MEIS2: variants seen among roughly 807,000 people sequenced by gnomAD.
MEIS2 encodes homeobox protein Meis2.
In MEIS2, 9 loss-of-function variants were observed where a neutral mutation model predicts 58.6. The observed-to-expected ratio is 0.15, with a 90% CI of 0.09 to 0.27. The LOEUF is 0.27. MEIS2 is among the 10% of genes least tolerant of loss of function. The pLI, the probability that MEIS2 is intolerant of heterozygous loss-of-function variation, is 1.00. For missense variants in MEIS2, 427 were observed against 635.0 expected (o/e 0.67, Z 3.52); for synonymous variants, 221 against 228.4 (o/e 0.97, Z 0.29).
At chr15:37,080,231 A>T (rs776444066) in intron 7 of MEIS2, among the ~76,000 whole-genome samples, 8 of 152,082 alleles carry the variant, frequency 5.3e-5, no homozygotes, top group Non-Finnish European at 1.2e-4. Context: ...AACCCATACC[A>T]TTGTTCAAAC....
At chr15:37,084,123 C>T (rs1478757665) in intron 6 of MEIS2, among the ~76,000 whole-genome samples, 1 of 152,064 alleles carries the variant, frequency 6.6e-6, no homozygotes, top group Non-Finnish European at 1.5e-5. Context: ...TTGGTTAAAA[C>T]TAATTTAAGT....
intron 11 of MEIS2, 67 bp from the exon 12 acceptor site, chr15:36,892,526 A>T: frequency 1.7e-6 from 2 of 1,171,070 alleles, no homozygotes; most frequent in Non-Finnish European, 2.4e-6. Context: ...TACCCATCAA[A>T]GATGAAAAGA....
At chr15:37,082,865 G>A (rs1892414644) in intron 7 of MEIS2, among the ~76,000 whole-genome samples, 1 of 151,916 alleles carries the variant, frequency 6.6e-6, no homozygotes, top group African/African-American at 2.4e-5. Flanking sequence ...TATAACTACA[G>A]CTCGAGCTGT....
At chr15:37,012,277 A>T (rs2061189873) in intron 8 of MEIS2, among the ~76,000 whole-genome samples, 1 of 152,258 alleles carries the variant, frequency 6.6e-6, no homozygotes, top group Admixed American at 6.5e-5. Context: ...GGACCAAAGC[A>T]GGTGAAATTT....
chr15:37,085,963 A>C (rs564051815), intron 6 of MEIS2, among the ~76,000 whole-genome samples: 1 of 152,318 alleles, frequency 6.6e-6, no homozygotes, highest in East Asian at 1.9e-4. Context: ...GAAAGAAAAG[A>C]AAAAGAAGCA....
chr15:37,082,455 T>G (rs1892361160), intron 7 of MEIS2, among the ~76,000 whole-genome samples: 1 of 152,130 alleles, frequency 6.6e-6, no homozygotes, highest in Admixed American at 6.5e-5. Flanking sequence ...GATTTAACCA[T>G]GCTGAGAAGT....
At chr15:36,995,193 C>G (rs755605884) in intron 8 of MEIS2, among the ~76,000 whole-genome samples, 3 of 152,142 alleles carry the variant, frequency 2.0e-5, no homozygotes, top group Non-Finnish European at 2.9e-5. Flanking sequence ...GGGAAATGGT[C>G]AATACTGCAA....
chr15:37,078,605 CAAAAAAAAAAAAA>C (rs540405090), intron 7 of MEIS2, among the ~76,000 whole-genome samples: 1 of 69,412 alleles, frequency 1.4e-5, no homozygotes, highest in Non-Finnish European at 2.6e-5. Flanking sequence ...AAAAAACAAC[CAAAAAAAAAAAAA>C]AAAAAAAAAA....
chr15:37,027,726 G>T (rs1417576499), intron 8 of MEIS2, among the ~76,000 whole-genome samples: 1 of 151,748 alleles, frequency 6.6e-6, no homozygotes, highest in Non-Finnish European at 1.5e-5. Context: ...AATTTAATAA[G>T]CCTTTCATTC....
At chr15:37,057,249 A>G (rs1304853676) in intron 7 of MEIS2, among the ~76,000 whole-genome samples, 1 of 152,252 alleles carries the variant, frequency 6.6e-6, no homozygotes, top group Non-Finnish European at 1.5e-5. Flanking sequence ...TCAAACTGAG[A>G]AGAATCTCTC....
rs1331192246 is a variant in MEIS2, at chr15:36,890,579, T to A, written c.*1594A>T. On this transcript the variant is annotated 3_prime_UTR_variant, in exon 12 of 12. Coordinates refer to ENST00000561208, the MANE Select transcript of MEIS2 (RefSeq NM_170675.5). ...ATCTATGAACACCCATATGTAAATT[T>A]TCATTTACATATCCAACAATATTGT... 6.6e-6 allele frequency: 1 copy of A among 152,282 alleles called. No individual in the cohort carries two copies. Among genetic ancestry groups the A allele is most frequent in the African/African-American group, 2.4e-5 (1 of 41,568 alleles). 9.4% of individuals were successfully genotyped at this position (152,282 alleles called of 1,614,324 possible). A position where few individuals can be genotyped will look rare whatever the true frequency, so the allele number is the denominator to read the frequency against.
At chr15:36,915,605 A>G (rs1445883839) in intron 9 of MEIS2, among the ~76,000 whole-genome samples, 10 of 152,140 alleles carry the variant, frequency 6.6e-5, no homozygotes, top group African/African-American at 1.9e-4. Flanking sequence ...CCCCTCCAGA[A>G]GTAAGGAGAA....
chr15:36,928,477 G>T (rs12915044), intron 9 of MEIS2, among the ~76,000 whole-genome samples: 82,503 of 151,970 alleles, frequency 0.54, 24,432 homozygotes, highest in Non-Finnish European at 0.67. Context: ...AGTGAGGCCA[G>T]ATGCAAACTC....
chr15:36,994,345 A>G (rs1279285657), intron 8 of MEIS2, among the ~76,000 whole-genome samples: 15 of 152,190 alleles, frequency 9.9e-5, no homozygotes, highest in Admixed American at 9.8e-4. Flanking sequence ...CCTAGTTCTT[A>G]AGGAATTTTC....
At chr15:36,982,994 T>C (rs1287933727) in intron 8 of MEIS2, among the ~76,000 whole-genome samples, 1 of 152,106 alleles carries the variant, frequency 6.6e-6, no homozygotes, top group Non-Finnish European at 1.5e-5. Flanking sequence ...TTCTATTGGG[T>C]TATGTGTTTT....
chr15:37,013,854 G>T (rs8034693), intron 8 of MEIS2, among the ~76,000 whole-genome samples: 60,106 of 151,800 alleles, frequency 0.4, 13,734 homozygotes, highest in South Asian at 0.55. Flanking sequence ...GATATTCCTG[G>T]CTTACTCCTC....
At chr15:36,909,322 G>T (rs1325777900) in intron 9 of MEIS2, among the ~76,000 whole-genome samples, 1 of 151,986 alleles carries the variant, frequency 6.6e-6, no homozygotes. Context: ...GAGAGCAGGG[G>T]CCACATCTTA....
intron 8 of MEIS2, among the ~76,000 whole-genome samples, chr15:36,981,662 T>C (rs1422883478): frequency 1.3e-5 from 2 of 152,116 alleles, no homozygotes; most frequent in Non-Finnish European, 2.9e-5. Flanking sequence ...AGGTGTCAAA[T>C]TGACTGGGTT....
intron 8 of MEIS2, among the ~76,000 whole-genome samples, chr15:36,960,304 G>T (rs2059138437): frequency 1.3e-5 from 2 of 152,042 alleles, no homozygotes; most frequent in African/African-American, 4.8e-5. Context: ...AATGTGGATA[G>T]TATCTTCTTT....
Sources: allele counts gnomAD v4.1 joint callset (sites outside exome capture counted in the v4.1 genomes callset), GRCh38; gene constraint gnomAD v4.1.1; transcripts MANE v1.5; gene names NCBI Gene and HGNC (gene_info 2026-07-23, HGNC 2026-07-21).